Variants in HDAC9 observed in about 807,000 individuals in gnomAD.
HDAC9 encodes the protein histone deacetylase 9.
HDAC9 carries 41 observed loss-of-function variants against 139.4 expected under a neutral mutation model. The ratio of observed to expected loss-of-function variants is 0.29; its 90% CI spans 0.23 to 0.38. The LOEUF (loss-of-function observed/expected upper bound fraction) is 0.38, where lower values mean the gene tolerates loss of function less well. HDAC9 is among the 10% of genes least tolerant of loss of function. HDAC9 has a pLI of 1.00. For missense variants in HDAC9, 1,147 were observed against 1,297.0 expected (o/e 0.88, Z 1.78); for synonymous variants, 517 against 476.2 (o/e 1.09, Z -1.12).
chr7:18,575,493 G>A (rs1049905139), intron 2 of HDAC9, among the ~76,000 whole-genome samples: 12 of 152,164 alleles, frequency 7.9e-5, no homozygotes, highest in Admixed American at 3.9e-4. Flanking sequence ...GAAGCAAACA[G>A]CATGAATGGG....
intron 22 of HDAC9, among the ~76,000 whole-genome samples, chr7:18,877,402 G>A (rs1799400196): frequency 6.6e-6 from 1 of 152,120 alleles, no homozygotes; most frequent in Admixed American, 6.6e-5. Flanking sequence ...TGGGAGTAGG[G>A]TGATCCCAAA....
intron 17 of HDAC9, among the ~76,000 whole-genome samples, chr7:18,798,530 C>A (rs1040434925): frequency 6.6e-6 from 1 of 152,116 alleles, no homozygotes; most frequent in Admixed American, 6.6e-5. Flanking sequence ...AACTTGCCAA[C>A]CTCTGATGGG....
At chr7:18,686,656 G>A (rs1273765944) in intron 12 of HDAC9, among the ~76,000 whole-genome samples, 2 of 151,836 alleles carry the variant, frequency 1.3e-5, no homozygotes, top group East Asian at 1.9e-4. Flanking sequence ...ATATAGCCTG[G>A]CATAAATTCT....
chr7:18,591,653 T>C lies in HDAC9; in HGVS notation c.542+11T>C, dbSNP rs769140466. ...CAAGCTCTGGTACACGTATGTTCAG[T>C]GTTTGGCTGTTTTCATTCCTGGGGT... On this transcript the variant is annotated intron_variant, in intron 5 of 25. Coordinates refer to ENST00000686413, the MANE Select transcript of HDAC9 (RefSeq NM_178425.4). The C allele has an allele frequency of 2.5e-6, 4 of 1,611,814 alleles. No individual in the cohort carries two copies. The highest frequency in any genetic ancestry group is 3.4e-6 in the Non-Finnish European group (4 of 1,178,762).
chr7:18,162,594 T>C (rs1459089847), intron 2 of HDAC9: 4 of 519,392 alleles, frequency 7.7e-6, no homozygotes, highest in Non-Finnish European at 1.0e-5. Flanking sequence ...ATTCTTCTGC[T>C]TCCAAGGTAA....
intron 23 of HDAC9, among the ~76,000 whole-genome samples, chr7:18,947,789 CAG>C (rs1782507367): frequency 6.6e-6 from 1 of 151,804 alleles, no homozygotes; most frequent in East Asian, 1.9e-4. Flanking sequence ...AAAAACTTAA[CAG>C]AATATCACAA....
At chr7:18,393,873 A>G (rs890569027) in intron 1 of HDAC9, among the ~76,000 whole-genome samples, 4 of 152,182 alleles carry the variant, frequency 2.6e-5, no homozygotes, top group African/African-American at 7.2e-5. Context: ...GCACGGAACA[A>G]TGGGCCTTGT....
At chr7:18,730,397 A>G (rs1286792228) in intron 13 of HDAC9, among the ~76,000 whole-genome samples, 7 of 152,214 alleles carry the variant, frequency 4.6e-5, no homozygotes, top group Admixed American at 2.6e-4. Flanking sequence ...GATTGAAAAT[A>G]TATCTTTTAA....
In HDAC9 at chr7:18,276,074, A is replaced by T. The variant is rs182157547; in HGVS notation, c.25+113725A>T. Among the ~76,000 whole-genome samples the T allele has an allele frequency of 9.8e-5, 15 of 152,340 alleles. No individual in the cohort carries two copies. The East Asian group carries it at 2.7e-3, about 27-fold the overall frequency. ...ATGTTATTCTGTGTATCTATAATGT[A>T]ACAATTTAAAGAAAGCACCTGGTTG... On this transcript the variant is annotated intron_variant, in intron 2 of 12. Transcript: ENST00000417496.
chr7:18,569,843 T>A (rs1275265229), intron 2 of HDAC9, among the ~76,000 whole-genome samples: 3 of 151,984 alleles, frequency 2.0e-5, no homozygotes, highest in African/African-American at 7.3e-5. Flanking sequence ...TCTTTTATAA[T>A]GCACAGGGAA....
chr7:18,323,268 T>C (rs1303600893), intron 1 of HDAC9, among the ~76,000 whole-genome samples: 2 of 152,176 alleles, frequency 1.3e-5, no homozygotes, highest in East Asian at 3.9e-4. Context: ...CCCACGACTA[T>C]TTCTCACCAC....
chr7:18,605,139 A>G (rs801512), intron 6 of HDAC9, among the ~76,000 whole-genome samples: 133,966 of 152,124 alleles, frequency 0.88, 59,043 homozygotes, highest in South Asian at 0.96. Context: ...TCCTTCTCCT[A>G]TTGCTTTGGG....
chr7:18,699,669 A>C (rs1312626773), intron 12 of HDAC9, among the ~76,000 whole-genome samples: 2 of 152,118 alleles, frequency 1.3e-5, no homozygotes, highest in Non-Finnish European at 2.9e-5. Context: ...TATTTGGTCT[A>C]CATTTCTTGA....
At chr7:18,524,863 T>TAC (rs57123600) in intron 2 of HDAC9, among the ~76,000 whole-genome samples, 14,018 of 127,582 alleles carry the variant, frequency 0.11, 766 homozygotes, top group African/African-American at 0.18. Context: ...CTTAGTGACA[T>TAC]ACACACACAC....
At chr7:18,538,723 A>G (rs1310249998) in intron 2 of HDAC9, among the ~76,000 whole-genome samples, 1 of 152,210 alleles carries the variant, frequency 6.6e-6, no homozygotes, top group Non-Finnish European at 1.5e-5. Context: ...CACTTCCAAG[A>G]ATGGAGTATA....
intron 1 of HDAC9, among the ~76,000 whole-genome samples, chr7:18,485,114 T>A (rs1366937702): frequency 6.6e-6 from 1 of 152,086 alleles, no homozygotes; most frequent in African/African-American, 2.4e-5. Context: ...AAAACATTAG[T>A]TGGGGGGAAC....
intron 1 of HDAC9, among the ~76,000 whole-genome samples, chr7:18,143,928 GA>G (rs1391072330): frequency 6.6e-6 from 1 of 151,896 alleles, no homozygotes; most frequent in Non-Finnish European, 1.5e-5. Flanking sequence ...ATTAGAAGAA[GA>G]AAAAAAGCCT....
intron 1 of HDAC9, among the ~76,000 whole-genome samples, chr7:18,314,688 G>A (rs940673685): frequency 1.2e-4 from 18 of 152,118 alleles, no homozygotes; most frequent in African/African-American, 3.6e-4. Context: ...TTCTAGCTCC[G>A]TGAAACAAAA....
chr7:18,178,305 G>A (rs1405010259), intron 2 of HDAC9, among the ~76,000 whole-genome samples: 1 of 152,146 alleles, frequency 6.6e-6, no homozygotes, highest in African/African-American at 2.4e-5. Flanking sequence ...GACTTGTCTC[G>A]AACTTCTGAC....
Sources: allele counts gnomAD v4.1 joint callset (sites outside exome capture counted in the v4.1 genomes callset), GRCh38; gene constraint gnomAD v4.1.1; transcripts MANE v1.5; gene names NCBI Gene and HGNC (gene_info 2026-07-23, HGNC 2026-07-21).